The following HMCN1 variants were observed in gnomAD, a reference collection of about 807,000 sequenced individuals.
HMCN1 encodes the protein hemicentin 1.
HMCN1 carries 321 observed loss-of-function variants against 625.9 expected under a neutral mutation model. That is an observed-to-expected ratio of 0.51 (90% CI 0.47 to 0.56). The LOEUF is 0.56. Among genes scored for constraint, HMCN1 ranks in the 20% least tolerant of loss-of-function variants. The pLI, the probability that HMCN1 is intolerant of heterozygous loss-of-function variation, is 0.00. For synonymous variants in HMCN1, 2,425 were observed against 2,417.6 expected (o/e 1.00, Z -0.09); for missense variants, 6,588 against 6,887.3 (o/e 0.96, Z 1.54).
intron 1 of HMCN1, among the ~76,000 whole-genome samples, chr1:185,810,484 A>AT (rs1471901364): frequency 6.6e-6 from 1 of 152,120 alleles, no homozygotes; most frequent in Admixed American, 6.6e-5. Flanking sequence ...CTCTTTGAAT[A>AT]TTTTTTCTGA....
intron 1 of HMCN1, among the ~76,000 whole-genome samples, chr1:185,777,642 G>A (rs1656713365): frequency 6.6e-6 from 1 of 152,116 alleles, no homozygotes; most frequent in South Asian, 2.1e-4. Context: ...AGTAGAGACG[G>A]TGTTTCACCA....
rs545159186 is a variant in HMCN1, at chr1:185,990,547, T to A, written c.3377+104T>A. The A allele has an allele frequency of 9.5e-5, 88 of 925,308 alleles. No homozygotes were observed. In the African/African-American group the frequency reaches 1.1e-3, roughly 11 times the overall value. The allele number at this position is 925,308 out of a possible 1,614,324, so 57.3% of individuals were successfully genotyped here. On this transcript the variant is annotated intron_variant, in intron 22 of 106. Coordinates refer to ENST00000271588, the MANE Select transcript of HMCN1 (RefSeq NM_031935.3). ...ATCAAACGTCTCAAAAAATCACCTT[T>A]AAAATTGAGATAATTCACATGTACA...
At position 185,977,811 on chromosome 1, in the gene HMCN1, C is replaced by A; in HGVS notation, c.2396C>A (p.Pro799His). The A allele has an allele frequency of 6.2e-7, 1 of 1,612,770 alleles. No individual in the cohort carries two copies. The highest frequency in any genetic ancestry group is 1.1e-5 in the South Asian group (1 of 91,042). The change falls in exon 16 of 107, where the codon CCT (proline) becomes CAT (histidine). Residue 799 changes from proline (P) to histidine (H), a missense_variant. Around this residue, in one of 3 missense-constraint regions of HMCN1, gnomAD observed 4,628 missense variants for 4,853.1 expected, o/e 0.95. Transcript: ENST00000271588. ...GCACCTCCAGTTTTCATACAAGAAC[C>A]TGCTGATGTGTCTATGGAAATTGGC... is the stretch of plus-strand genomic sequence containing the variant. ...VGSPPVFIQE[P>H]ADVSMEIGSN...
chr1:186,021,612 G>A (rs1414715995), intron 35 of HMCN1, among the ~76,000 whole-genome samples: 1 of 152,068 alleles, frequency 6.6e-6, no homozygotes, highest in African/African-American at 2.4e-5. Flanking sequence ...ATGTATGAAT[G>A]TGTTGCTTAA....
At chr1:186,136,611 TAA>T (rs373882360) in intron 86 of HMCN1, 55 bp from the exon 87 acceptor site, 20,677 of 1,501,570 alleles carry the variant, frequency 0.014, 181 homozygotes, top group Middle Eastern at 0.024. Context: ...TAATACATGA[TAA>T]AAAAAAATGC....
Position 185,887,053 on chromosome 1 carries a change from C to T in HMCN1, c.621+21190C>T, listed in dbSNP as rs180708696. On this transcript the variant is annotated intron_variant, in intron 4 of 106. Coordinates refer to ENST00000271588, the MANE Select transcript of HMCN1 (RefSeq NM_031935.3). ...CTTCTGCTTCCTTAACCTGAAATAA[C>T]GTCACTTTTTAGCTTTTAACTTCTT... Among the ~76,000 whole-genome samples, 5 of 152,164 alleles carry T rather than the reference C, an allele frequency of 3.3e-5. No individual in the cohort carries two copies. The East Asian group carries it at 7.7e-4, about 24-fold the overall frequency.
At chr1:186,184,476 AAG>A (rs1653151900) in intron 105 of HMCN1, among the ~76,000 whole-genome samples, 1 of 152,226 alleles carries the variant, frequency 6.6e-6, no homozygotes, top group African/African-American at 2.4e-5. Context: ...AATAAACAAA[AAG>A]CATGACCAAT....
In HMCN1 at chr1:186,117,131, A is replaced by G; in HGVS notation, c.11683+16A>G. 1 of 1,612,742 alleles carries G rather than the reference A, an allele frequency of 6.2e-7. No individual in the cohort carries two copies. Among genetic ancestry groups the G allele is most frequent in the East Asian group, 2.2e-5 (1 of 44,852 alleles). On this transcript the variant is annotated intron_variant, in intron 76 of 106. Coordinates refer to ENST00000271588, the MANE Select transcript of HMCN1 (RefSeq NM_031935.3). ...ACTGTCCAAGGTAGAATTGGCTTGG[A>G]ACATGGATTGAAACATGATAATGCT... is the stretch of plus-strand genomic sequence containing the variant.
At chr1:186,179,137 G>A (rs766878772) in intron 104 of HMCN1, among the ~76,000 whole-genome samples, 6 of 152,064 alleles carry the variant, frequency 3.9e-5, no homozygotes, top group Admixed American at 3.3e-4. Flanking sequence ...TGGCCACATC[G>A]GATTGATGGA....
intron 22 of HMCN1, among the ~76,000 whole-genome samples, chr1:185,992,915 A>G (rs1553271010): frequency 6.6e-6 from 1 of 152,192 alleles, no homozygotes; most frequent in Non-Finnish European, 1.5e-5. Flanking sequence ...CATTTGCTTT[A>G]TAGAGCAGAA....
intron 48 of HMCN1, among the ~76,000 whole-genome samples, chr1:186,062,831 C>A (rs985956516): frequency 6.6e-6 from 1 of 151,418 alleles, no homozygotes; most frequent in Non-Finnish European, 1.5e-5. Context: ...ACCCTCTCAC[C>A]CTTCCTAGTC....
intron 49 of HMCN1, among the ~76,000 whole-genome samples, chr1:186,066,186 T>C (rs1052849557): frequency 8.5e-5 from 13 of 152,098 alleles, no homozygotes; most frequent in African/African-American, 3.1e-4. Context: ...AGTGTCAATA[T>C]TGTATTGTGT....
chr1:185,793,595 G>A (rs1049621301), intron 1 of HMCN1, among the ~76,000 whole-genome samples: 2 of 152,128 alleles, frequency 1.3e-5, no homozygotes, highest in African/African-American at 4.8e-5. Context: ...CCATTATTCT[G>A]CCTATCATAG....
intron 1 of HMCN1, among the ~76,000 whole-genome samples, chr1:185,830,731 T>A (rs1330696410): frequency 6.6e-6 from 1 of 151,784 alleles, no homozygotes; most frequent in Non-Finnish European, 1.5e-5. Flanking sequence ...TACAAAAAAA[T>A]ACAAAAATTA....
At chr1:185,737,070 CTTTA>C (rs1254302198) in intron 1 of HMCN1, among the ~76,000 whole-genome samples, 6 of 151,650 alleles carry the variant, frequency 4.0e-5, no homozygotes, top group Non-Finnish European at 7.4e-5. Flanking sequence ...GATTGTAGTA[CTTTA>C]TTTGTGTGAT....
In HMCN1 at chr1:186,019,598, C is replaced by T; in HGVS notation, c.5528C>T (p.Pro1843Leu). ...GAGAGAGTTGTGGTAAAATACAAGCCTGTCGCCTTGCAGTGCATAGCCAAT... is the reference window on the plus strand; with the variant it reads ...GAGAGAGTTGTGGTAAAATACAAGCTTGTCGCCTTGCAGTGCATAGCCAAT... ...LSERVVVKYK[P>L]VALQCIANGI... The change falls in exon 35 of 107, where the codon CCT (proline) becomes CTT (leucine). Residue 1843 changes from proline (P) to leucine (L), a missense_variant. This residue lies in a region of HMCN1 where 4,628 missense variants were observed against 4,853.1 expected (regional missense o/e 0.95). Transcript: ENST00000271588. 5.6e-6 allele frequency: 9 copies of T among 1,610,490 alleles called. No individual in the cohort carries two copies. The highest frequency in any genetic ancestry group is 7.6e-6 in the Non-Finnish European group (9 of 1,177,028).
At chr1:185,861,942 G>A (rs1662898389) in intron 2 of HMCN1, among the ~76,000 whole-genome samples, 1 of 152,188 alleles carries the variant, frequency 6.6e-6, no homozygotes, top group African/African-American at 2.4e-5. Context: ...CTTGCCATCA[G>A]TGAGCTTATA....
intron 1 of HMCN1, among the ~76,000 whole-genome samples, chr1:185,835,844 AAG>A (rs1280327650): frequency 6.6e-6 from 1 of 152,174 alleles, no homozygotes; most frequent in Non-Finnish European, 1.5e-5. Context: ...TACAGAAAAA[AAG>A]AACCAAAATT....
intron 2 of HMCN1, among the ~76,000 whole-genome samples, chr1:185,855,186 T>C (rs1011233309): frequency 6.6e-6 from 1 of 152,168 alleles, no homozygotes; most frequent in African/African-American, 2.4e-5. Flanking sequence ...CCTCTGGCTC[T>C]TGCTCCCTAA....
Sources: gnomAD v4.1 joint callset for allele counts (sites outside exome capture counted in the v4.1 genomes callset) on GRCh38, gnomAD v4.1.1 for gene constraint, gnomAD v4.1.1 regional missense constraint, MANE v1.5 for transcripts, NCBI Gene and HGNC (gene_info 2026-07-23, HGNC 2026-07-21) for gene names.